The following PDZD2 variants were observed in gnomAD, a reference collection of about 807,000 sequenced individuals.
PDZD2 encodes the protein PDZ domain-containing protein 2.
Under a neutral mutation model 220.7 loss-of-function variants are expected in PDZD2, and 90 were observed. That is an observed-to-expected ratio of 0.41 (90% confidence interval 0.34 to 0.49). The LOEUF is 0.49. Ranked by LOEUF, PDZD2 falls within the 20% of genes least tolerant of loss-of-function variation. The probability of loss-of-function intolerance (pLI) is 0.28; values close to 1 mark genes in which losing one functional copy is unlikely to be tolerated. For missense variants in PDZD2, 3,174 were observed against 3,608.5 expected (o/e 0.88, Z 3.08); for synonymous variants, 1,375 against 1,450.5 (o/e 0.95, Z 1.18).
intron 3 of PDZD2, among the ~76,000 whole-genome samples, chr5:31,994,828 T>C (rs1215570086): frequency 6.6e-6 from 1 of 152,226 alleles, no homozygotes; most frequent in Non-Finnish European, 1.5e-5. Context: ...TATATGTGTA[T>C]ATATAAGTAA....
At chr5:32,018,684 A>C (rs935508956) in intron 6 of PDZD2, among the ~76,000 whole-genome samples, 1 of 152,194 alleles carries the variant, frequency 6.6e-6, no homozygotes, top group Non-Finnish European at 1.5e-5. Context: ...CACTGTCCCA[A>C]ACTGAACTTC....
At chr5:31,660,530 C>T (rs775125005) in intron 1 of PDZD2, among the ~76,000 whole-genome samples, 13 of 152,138 alleles carry the variant, frequency 8.5e-5, no homozygotes, top group Non-Finnish European at 1.3e-4. Context: ...TCCTTCTTCA[C>T]AAGGTGGCAG....
At chr5:32,019,139 C>CTTTTT (rs3037908) in intron 6 of PDZD2, among the ~76,000 whole-genome samples, 28 of 106,186 alleles carry the variant, frequency 2.6e-4, no homozygotes, top group Admixed American at 4.6e-4. Flanking sequence ...CATAGAAAAG[C>CTTTTT]TTTTTTTTTT....
At chr5:31,861,799 G>GATGA (rs1039948816) in intron 2 of PDZD2, among the ~76,000 whole-genome samples, 18 of 152,244 alleles carry the variant, frequency 1.2e-4, no homozygotes, top group African/African-American at 4.3e-4. Flanking sequence ...AAGTTTTGAA[G>GATGA]ATGAAACAAG....
chr5:31,802,002 T>G (rs1369356443), intron 2 of PDZD2, among the ~76,000 whole-genome samples: 1 of 152,086 alleles, frequency 6.6e-6, no homozygotes, highest in African/African-American at 2.4e-5. Flanking sequence ...GATGCCCAGT[T>G]TTGCAAAGAA....
At position 31,639,863 on chromosome 5, in the gene PDZD2, C is replaced by T. The variant is rs971652014; in HGVS notation, c.-361+426C>T. 6.6e-6 allele frequency among the ~76,000 whole-genome samples: 1 copy of T among 152,202 alleles called. No individual in the cohort carries two copies. Among genetic ancestry groups the T allele is most frequent in the Non-Finnish European group, 1.5e-5 (1 of 68,044 alleles). On this transcript the variant is annotated intron_variant, in intron 1 of 24. Transcript: ENST00000438447. The surrounding 1 kb of genome is among the most constrained non-coding windows in gnomAD (Gnocchi z 4.1). ...CCGGCCTCAGGTAATGTCTTGGGGA[C>T]CATCCTCCCTCGGGCTTGTTTCATC...
chr5:31,913,539 G>C (rs1258902689), intron 2 of PDZD2, among the ~76,000 whole-genome samples: 1 of 152,128 alleles, frequency 6.6e-6, no homozygotes, highest in African/African-American at 2.4e-5. Flanking sequence ...TGCAGTGTCT[G>C]ATTCATACTA....
intron 14 of PDZD2, among the ~76,000 whole-genome samples, chr5:32,064,015 A>G (rs1739950746): frequency 2.0e-5 from 3 of 152,182 alleles, no homozygotes; most frequent in Non-Finnish European, 2.9e-5. Context: ...TTTTTTTCTC[A>G]GCATCAGCGT....
intron 2 of PDZD2, among the ~76,000 whole-genome samples, chr5:31,977,710 C>T (rs1269139730): frequency 6.6e-6 from 1 of 152,248 alleles, no homozygotes; most frequent in African/African-American, 2.4e-5. Flanking sequence ...CAGTGCCTCG[C>T]TCCTGTAATT....
chr5:32,085,452 AT>A (rs924402436), intron 19 of PDZD2, among the ~76,000 whole-genome samples: 35 of 142,612 alleles, frequency 2.5e-4, no homozygotes, highest in East Asian at 6.1e-4. Flanking sequence ...CCTTATTATT[AT>A]TTTTTTTTTT....
Position 32,081,843 on chromosome 5 carries a change from T to C in PDZD2, c.3682+4237T>C, listed in dbSNP as rs767093768. 4.3e-4 allele frequency among the ~76,000 whole-genome samples: 65 copies of C among 152,002 alleles called. No individual in the cohort carries two copies. The Middle Eastern group carries it at 0.01, about 24-fold the overall frequency. ...TTCATGCCATTCTCCTGCCTCAGCC[T>C]CCTGAGTAGCTGGGACTACAGGCGT... is the stretch of plus-strand genomic sequence containing the variant. On this transcript the variant is annotated intron_variant, in intron 19 of 24. Transcript: ENST00000438447.
chr5:31,987,710 C>T (rs1750825796), intron 3 of PDZD2, among the ~76,000 whole-genome samples: 1 of 152,224 alleles, frequency 6.6e-6, no homozygotes, highest in African/African-American at 2.4e-5. Context: ...CACTCCAGTG[C>T]TCCAGGTCTC....
chr5:31,890,219 G>A (rs13157897), intron 2 of PDZD2, among the ~76,000 whole-genome samples: 66,050 of 147,826 alleles, frequency 0.45, 14,984 homozygotes, highest in Admixed American at 0.5. Flanking sequence ...GGGCGATGGC[G>A]GTGTTCTTTC....
intron 2 of PDZD2, chr5:31,820,743 C>T (rs1484259830): frequency 6.6e-6 from 1 of 152,002 alleles, no homozygotes; most frequent in African/African-American, 2.4e-5. Context: ...TTGTTTTATA[C>T]AAATTATTTT....
chr5:31,719,205 A>C (rs933822084), intron 1 of PDZD2, among the ~76,000 whole-genome samples: 4 of 152,168 alleles, frequency 2.6e-5, no homozygotes, highest in Admixed American at 2.6e-4. Flanking sequence ...TTTGTGAGTC[A>C]ATGGTGTCTA....
At chr5:32,102,693 C>T (rs1373208065) in intron 24 of PDZD2, among the ~76,000 whole-genome samples, 1 of 151,982 alleles carries the variant, frequency 6.6e-6, no homozygotes, top group Non-Finnish European at 1.5e-5. Flanking sequence ...CCAGCAGACC[C>T]GAAAAACAGG....
intron 2 of PDZD2, among the ~76,000 whole-genome samples, chr5:31,844,884 G>A (rs936431195): frequency 3.3e-5 from 5 of 152,040 alleles, no homozygotes; most frequent in South Asian, 2.1e-4. Context: ...CTGAGTTTAC[G>A]TTGCCCAATG....
chr5:31,660,516 C>T (rs937557008), intron 1 of PDZD2, among the ~76,000 whole-genome samples: 4 of 152,112 alleles, frequency 2.6e-5, no homozygotes, highest in African/African-American at 9.7e-5. Flanking sequence ...GGGAAGCAAA[C>T]ATGTCCTTCT....
intron 2 of PDZD2, among the ~76,000 whole-genome samples, chr5:31,934,750 T>C (rs1259233924): frequency 6.6e-6 from 1 of 151,776 alleles, no homozygotes; most frequent in Admixed American, 6.6e-5. Flanking sequence ...GGGGAAAAAT[T>C]TATACTGGAT....
Sources: allele counts gnomAD v4.1 joint callset (sites outside exome capture counted in the v4.1 genomes callset), GRCh38; gene constraint gnomAD v4.1.1; non-coding constraint Gnocchi (gnomAD v3.1); transcripts MANE v1.5; gene names NCBI Gene and HGNC (gene_info 2026-07-23, HGNC 2026-07-21).